DOCK1: variants seen among roughly 807,000 people sequenced by gnomAD.
The protein encoded by DOCK1 is dedicator of cytokinesis 1, also known as dedicator of cytokinesis protein 1.
DOCK1 carries 138 observed loss-of-function variants against 262.7 expected under a neutral mutation model. The observed-to-expected ratio is 0.53, with a 90% confidence interval of 0.46 to 0.61. The LOEUF is 0.61. Among genes scored for constraint, DOCK1 ranks in the 20% least tolerant of loss-of-function variants. The probability of loss-of-function intolerance (pLI) is 0.00; values close to 1 mark genes in which losing one functional copy is unlikely to be tolerated. For missense variants in DOCK1, 1,908 were observed against 2,370.7 expected, an observed-to-expected ratio of 0.80 and a Z score of 4.05; for synonymous variants, 866 against 867.4, an observed-to-expected ratio of 1.00 and a Z score of 0.03.
At chr10:127,420,816 G>A (rs1374300650) in intron 46 of DOCK1, among the ~76,000 whole-genome samples, 1 of 151,546 alleles carries the variant, frequency 6.6e-6, no homozygotes, top group Non-Finnish European at 1.5e-5. Flanking sequence ...TCCAGCCTGG[G>A]TAACGAGCAA....
chr10:127,236,244 A>T (rs1370261539), intron 27 of DOCK1, among the ~76,000 whole-genome samples: 1 of 151,946 alleles, frequency 6.6e-6, no homozygotes, highest in Non-Finnish European at 1.5e-5. Flanking sequence ...TGTTGTTTTA[A>T]GTTTTGCATT....
chr10:127,021,932 G>A (rs931911289), intron 13 of DOCK1, among the ~76,000 whole-genome samples: 6 of 152,134 alleles, frequency 3.9e-5, no homozygotes, highest in African/African-American at 4.8e-5. Flanking sequence ...TGCTCTTGAC[G>A]GAACCGCTCT....
intron 29 of DOCK1, among the ~76,000 whole-genome samples, chr10:127,264,256 A>G (rs1370841264): frequency 6.6e-6 from 1 of 152,178 alleles, no homozygotes; most frequent in Non-Finnish European, 1.5e-5. Flanking sequence ...TCTCAGGATA[A>G]TAAAGACATG....
At chr10:127,388,949 T>C (rs556040379) in intron 38 of DOCK1, among the ~76,000 whole-genome samples, 2 of 152,358 alleles carry the variant, frequency 1.3e-5, no homozygotes, top group African/African-American at 4.8e-5. Flanking sequence ...GCATGTATTC[T>C]GAGAAAGACG....
chr10:127,347,775 A>G (rs2063701147), intron 31 of DOCK1, among the ~76,000 whole-genome samples: 1 of 147,500 alleles, frequency 6.8e-6, no homozygotes, highest in Non-Finnish European at 1.5e-5. Context: ...CCTGTCTCTT[A>G]CTCTAGGGCT....
chr10:127,301,719 G>A (rs1273205015), intron 29 of DOCK1, among the ~76,000 whole-genome samples: 5 of 152,096 alleles, frequency 3.3e-5, no homozygotes, highest in Non-Finnish European at 7.4e-5. Flanking sequence ...GCCGAGGAGG[G>A]CAGATCACTT....
chr10:127,365,408 C>T (rs992109384), intron 33 of DOCK1, among the ~76,000 whole-genome samples: 8 of 152,242 alleles, frequency 5.3e-5, no homozygotes, highest in Non-Finnish European at 1.0e-4. Context: ...GCCCCAGTTT[C>T]ACTGCCAACT....
chr10:127,306,979 A>C (rs1412333193), intron 29 of DOCK1, among the ~76,000 whole-genome samples: 4 of 152,224 alleles, frequency 2.6e-5, no homozygotes, highest in African/African-American at 9.7e-5. Flanking sequence ...TAGTTTGGGA[A>C]TTGTTTTAGG....
intron 51 of DOCK1, among the ~76,000 whole-genome samples, chr10:127,448,590 A>C (rs923933036): frequency 3.9e-5 from 6 of 152,256 alleles, no homozygotes; most frequent in African/African-American, 1.4e-4. Context: ...TTCTAGGCTC[A>C]GGCCTCCCCA....
rs117074375 is a variant in DOCK1, at chr10:127,363,731, C to T, written c.3432+1519C>T. Among the ~76,000 whole-genome samples, 348 of 152,262 alleles carry T rather than the reference C, an allele frequency of 2.3e-3. 1 individual carries two copies. Among genetic ancestry groups the T allele is most frequent in the Middle Eastern group, 6.8e-3 (2 of 294 alleles). On this transcript the variant is annotated intron_variant, in intron 33 of 51. Transcript: ENST00000623213. ...TTCATTGGTCATCTTCATCATATCA[C>T]ATGAAGGCGGTATCCACGAAGAATG... is the stretch of plus-strand genomic sequence containing the variant.
chr10:127,197,317 G>A (rs945939380), intron 27 of DOCK1, among the ~76,000 whole-genome samples: 3 of 152,224 alleles, frequency 2.0e-5, no homozygotes, highest in African/African-American at 7.2e-5. Flanking sequence ...TTGTGGCAGA[G>A]TAGAATTCTC....
intron 9 of DOCK1, among the ~76,000 whole-genome samples, chr10:126,999,960 G>A (rs955617524): frequency 6.6e-6 from 1 of 152,118 alleles, no homozygotes; most frequent in African/African-American, 2.4e-5. Context: ...CAGGTGTGAG[G>A]CACTGCCCCT....
chr10:127,077,789 A>G (rs1460294372), intron 23 of DOCK1, among the ~76,000 whole-genome samples: 2 of 152,196 alleles, frequency 1.3e-5, no homozygotes, highest in Non-Finnish European at 2.9e-5. Flanking sequence ...AAGGACCTAA[A>G]GAAAGTGGCA....
intron 31 of DOCK1, among the ~76,000 whole-genome samples, chr10:127,347,404 G>A (rs1441006581): frequency 2.0e-5 from 3 of 152,242 alleles, no homozygotes; most frequent in African/African-American, 4.8e-5. Flanking sequence ...ACGGCCCGTG[G>A]GGCTCAGCCG....
At chr10:127,271,384 A>G (rs2060562853) in intron 29 of DOCK1, among the ~76,000 whole-genome samples, 2 of 152,248 alleles carry the variant, frequency 1.3e-5, no homozygotes, top group East Asian at 1.9e-4. Flanking sequence ...AAAGTTGAAT[A>G]ATATACTTTC....
intron 35 of DOCK1, 60 bp downstream of exon 35, chr10:127,374,274 G>A (rs1331171405): frequency 3.2e-6 from 5 of 1,538,906 alleles, no homozygotes; most frequent in Non-Finnish European, 4.4e-6. Flanking sequence ...ACTGAAGCGG[G>A]GATTGCCCCA....
At chr10:126,944,160 A>G (rs1433415250) in intron 1 of DOCK1, among the ~76,000 whole-genome samples, 2 of 150,464 alleles carry the variant, frequency 1.3e-5, no homozygotes, top group East Asian at 4.0e-4. Flanking sequence ...TGGGTTTGAG[A>G]ATATTAGGAG....
chr10:127,360,967 C>T (rs531021274), intron 32 of DOCK1, among the ~76,000 whole-genome samples: 1 of 152,198 alleles, frequency 6.6e-6, no homozygotes. Flanking sequence ...TTGAGCTTGT[C>T]ATGTAAATTG....
intron 1 of DOCK1, among the ~76,000 whole-genome samples, chr10:126,966,524 C>T (rs2037690759): frequency 6.6e-6 from 1 of 152,134 alleles, no homozygotes; most frequent in Non-Finnish European, 1.5e-5. Context: ...TAACAGTTCT[C>T]TTATCTCTGC....
Sources: allele counts gnomAD v4.1 joint callset (sites outside exome capture counted in the v4.1 genomes callset), GRCh38; gene constraint gnomAD v4.1.1; transcripts MANE v1.5; gene names NCBI Gene and HGNC (gene_info 2026-07-23, HGNC 2026-07-21).